The following DDX59 variants were observed in gnomAD, a reference collection of about 807,000 sequenced individuals.
The protein encoded by DDX59 is probable ATP-dependent RNA helicase DDX59.
In DDX59, 30 loss-of-function variants were observed where a neutral mutation model predicts 51.9. That is an observed-to-expected ratio of 0.58 (90% CI 0.43 to 0.78). The LOEUF (loss-of-function observed/expected upper bound fraction) is 0.78. Among genes scored for constraint, DDX59 ranks in the 30% least tolerant of loss-of-function variants. The probability of loss-of-function intolerance (pLI) is 0.00; values close to 1 mark genes in which losing one functional copy is unlikely to be tolerated. For synonymous variants in DDX59, 255 were observed against 253.3 expected (o/e 1.01, Z -0.06); for missense variants, 672 against 730.8 (o/e 0.92, Z 0.93).
chr1:200,646,983 A>G (rs544117338), intron 7 of DDX59, among the ~76,000 whole-genome samples: 5 of 152,354 alleles, frequency 3.3e-5, no homozygotes, highest in African/African-American at 1.2e-4. Flanking sequence ...TAAGTAAAAC[A>G]ATCAACCCCC....
At chr1:200,648,324 G>T in intron 7 of DDX59, 115 bp downstream of exon 7, 1 of 1,396,586 alleles carries the variant, frequency 7.2e-7, no homozygotes, top group Non-Finnish European at 9.8e-7. Context: ...TGGGATTACA[G>T]GTGTGAGCCA....
chr1:200,654,791 TATCTG>T (rs1661908582), intron 4 of DDX59: 1 of 152,280 alleles, frequency 6.6e-6, no homozygotes, highest in Non-Finnish European at 1.5e-5. Flanking sequence ...TCAAAGGAAT[TATCTG>T]AGTTTTCACC....
chr1:200,659,272 A>T (rs1662230270), intron 3 of DDX59, among the ~76,000 whole-genome samples, 156 bp from the exon 4 acceptor site: 1 of 152,238 alleles, frequency 6.6e-6, no homozygotes, highest in African/African-American at 2.4e-5. Flanking sequence ...GCTCTCATGA[A>T]ACTTGTAATA....
chr1:200,648,337 G>A, intron 7 of DDX59, 102 bp downstream of exon 7: 2 of 1,512,312 alleles, frequency 1.3e-6, no homozygotes, highest in South Asian at 2.5e-5. Flanking sequence ...GTGAGCCACT[G>A]TCCTGGCCGA....
chr1:200,662,640 G>A (rs1017144251), intron 3 of DDX59, among the ~76,000 whole-genome samples: 2 of 152,188 alleles, frequency 1.3e-5, no homozygotes, highest in African/African-American at 4.8e-5. Flanking sequence ...TGGGCAACTA[G>A]AGACTAACAC....
chr1:200,650,178 T>A (rs1321374699), intron 5 of DDX59, among the ~76,000 whole-genome samples: 1 of 152,114 alleles, frequency 6.6e-6, no homozygotes, highest in East Asian at 1.9e-4. Flanking sequence ...ACATATTCCT[T>A]AGGAATAATC....
chr1:200,651,344 G>A (rs1485158691), intron 4 of DDX59, among the ~76,000 whole-genome samples: 1 of 152,130 alleles, frequency 6.6e-6, no homozygotes, highest in Non-Finnish European at 1.5e-5. Context: ...CAATGTACGG[G>A]TAATAAGAGG....
Position 200,663,993 on chromosome 1 carries a change from G to A in DDX59, c.898C>T (p.Arg300Cys), listed in dbSNP as rs746031307. 81 of 1,614,062 alleles carry A rather than the reference G, an allele frequency of 5.0e-5. 1 individual carries two copies. In the South Asian group the frequency reaches 7.6e-4, roughly 15 times the overall value. Reference protein sequence around the residue: ...QAKELMSGLPRMKTVLLVGGL... With the variant: ...QAKELMSGLPCMKTVLLVGGL... Reference sequence around the variant, plus strand: ...CCTACAAGAAGCACAGTTTTCATGCGTGGCAGGCCACTCATCAATTCTTTA... The same window carrying A: ...CCTACAAGAAGCACAGTTTTCATGCATGGCAGGCCACTCATCAATTCTTTA... Residue 300 changes from arginine (R) to cysteine (C), a missense_variant, in exon 3 of 8, where the codon CGC becomes TGC. Coordinates refer to ENST00000331314, the MANE Select transcript of DDX59 (RefSeq NM_001031725.6).
chr1:200,659,461 G>A (rs920802506), intron 3 of DDX59, among the ~76,000 whole-genome samples: 37 of 152,174 alleles, frequency 2.4e-4, no homozygotes, highest in Admixed American at 1.5e-3. Context: ...AGGCTGGGAG[G>A]CCAGTGAAGT....
At chr1:200,654,132 G>T (rs1661848171) in intron 4 of DDX59, among the ~76,000 whole-genome samples, 1 of 152,154 alleles carries the variant, frequency 6.6e-6, no homozygotes, top group South Asian at 2.1e-4. Context: ...TCACCTGAAG[G>T]GCCGGGCGTG....
chr1:200,649,049 G>T (rs770854243), intron 6 of DDX59, 25 bp downstream of exon 6: 5 of 1,525,910 alleles, frequency 3.3e-6, no homozygotes, highest in Non-Finnish European at 4.4e-6. Flanking sequence ...ATAGAAAACA[G>T]AATATAGAAT....
intron 3 of DDX59, 120 bp downstream of exon 3, chr1:200,663,799 G>C (rs941478812): frequency 9.0e-6 from 9 of 1,002,836 alleles, no homozygotes; most frequent in Non-Finnish European, 1.2e-5. Context: ...GGCTTACTTG[G>C]TAAGAATTTA....
At chr1:200,641,226 C>T, downstream of DDX59, 2 of 1,304,372 alleles carry the variant, frequency 1.5e-6, no homozygotes, top group Non-Finnish European at 2.0e-6. Flanking sequence ...ATATTAATTC[C>T]AGAGAAGGGC....
chr1:200,645,676 A>G (rs1454464128), intron 7 of DDX59, among the ~76,000 whole-genome samples: 2 of 152,256 alleles, frequency 1.3e-5, no homozygotes, highest in African/African-American at 4.8e-5. Context: ...AAACTCTTCA[A>G]AAGAGGGGGA....
In DDX59 at chr1:200,664,574, G is replaced by A. The variant is rs977124860; in HGVS notation, c.805-488C>T. Reference sequence around the variant, plus strand: ...GCTCTATTTTGGTCTTCCAGCATGCGTGACCTATATTTTAAACAATCTAGC... The same window carrying A: ...GCTCTATTTTGGTCTTCCAGCATGCATGACCTATATTTTAAACAATCTAGC... On this transcript the variant is annotated intron_variant, in intron 2 of 7. Transcript: ENST00000331314. Among the ~76,000 whole-genome samples, 12 of 151,798 alleles carry A rather than the reference G, an allele frequency of 7.9e-5. No homozygotes were observed. The South Asian group carries it at 1.7e-3, about 21-fold the overall frequency.
At chr1:200,651,730 C>T (rs1034795225) in intron 4 of DDX59, among the ~76,000 whole-genome samples, 1 of 152,100 alleles carries the variant, frequency 6.6e-6, no homozygotes, top group Non-Finnish European at 1.5e-5. Context: ...TGCTGCCAGC[C>T]GGGCACGGTG....
In DDX59 at chr1:200,650,439, A is replaced by G; in HGVS notation, c.1300T>C (p.Phe434Leu). 1 of 1,612,348 alleles carries G rather than the reference A, an allele frequency of 6.2e-7. No homozygotes were observed. Reference sequence around the variant, plus strand: ...TTACTACTCACATTTAAAATTTCAAATAATTTTTTCTTTTTGGCTGGGTCT... The same window carrying G: ...TTACTACTCACATTTAAAATTTCAAGTAATTTTTTCTTTTTGGCTGGGTCT... ...VEDPAKKKKL[F>L]EILNDKKLFK... The change falls in exon 5 of 8, where the codon TTT becomes CTT. Residue 434 changes from phenylalanine to leucine, a missense_variant. Coordinates refer to ENST00000331314, the MANE Select transcript of DDX59 (RefSeq NM_001031725.6).
intron 3 of DDX59, among the ~76,000 whole-genome samples, chr1:200,662,910 C>A (rs1662470442): frequency 6.6e-6 from 1 of 152,068 alleles, no homozygotes; most frequent in Admixed American, 6.6e-5. Flanking sequence ...TTAATATCAC[C>A]TTTGTCTGTT....
chr1:200,649,237 A>G lies in DDX59; in HGVS notation c.1315-11T>C. ...AAAGAGTTTCTTATCCTGAAAAATT[A>G]AAAACATATATCAAAAATTATTCAT... On this transcript the variant is annotated splice_polypyrimidine_tract_variant and intron_variant, in intron 5 of 7. Transcript: ENST00000331314. 1 of 1,558,620 alleles carries G rather than the reference A, an allele frequency of 6.4e-7. No homozygotes were observed. Among genetic ancestry groups the G allele is most frequent in the Non-Finnish European group, 8.6e-7 (1 of 1,160,762 alleles).
Sources: gnomAD v4.1 joint callset for allele counts (sites outside exome capture counted in the v4.1 genomes callset) on GRCh38, gnomAD v4.1.1 for gene constraint, MANE v1.5 for transcripts, NCBI Gene and HGNC (gene_info 2026-07-23, HGNC 2026-07-21) for gene names.